RELN: variants seen among roughly 807,000 people sequenced by gnomAD.
The protein encoded by RELN is reelin.
A neutral mutation model predicts 427.6 loss-of-function variants in RELN; 108 were observed. That is an observed-to-expected ratio of 0.25 (90% CI 0.22 to 0.30). The LOEUF (loss-of-function observed/expected upper bound fraction) is 0.30, where lower values mean the gene tolerates loss of function less well. Ranked by LOEUF, RELN falls within the 10% of genes least tolerant of loss-of-function variation. RELN has a pLI of 1.00. For synonymous variants in RELN, 1,524 were observed against 1,513.4 expected, an observed-to-expected ratio of 1.01 and a Z score of -0.16; for missense variants, 3,715 against 4,302.8, an observed-to-expected ratio of 0.86 and a Z score of 3.82.
intron 1 of RELN, among the ~76,000 whole-genome samples, chr7:103,966,726 C>T (rs1796667873): frequency 6.6e-6 from 1 of 152,144 alleles, no homozygotes; most frequent in Non-Finnish European, 1.5e-5. Context: ...CTTTATTTTC[C>T]AAAAACAGAT....
chr7:103,675,527 G>GA (rs1219748045), intron 11 of RELN, among the ~76,000 whole-genome samples: 1 of 152,040 alleles, frequency 6.6e-6, no homozygotes, highest in Admixed American at 6.5e-5. Context: ...CACAGAATTG[G>GA]AAAAAACTAC....
intron 1 of RELN, among the ~76,000 whole-genome samples, chr7:103,958,599 G>A (rs538603302): frequency 3.0e-4 from 45 of 152,258 alleles, no homozygotes; most frequent in African/African-American, 1.1e-3. Context: ...GTGTGTGTAG[G>A]AGTGTATGGG....
At chr7:103,777,883 T>TCACACACACACACACACGCA (rs1554417535) in intron 3 of RELN, among the ~76,000 whole-genome samples, 1 of 143,870 alleles carries the variant, frequency 7.0e-6, no homozygotes, top group African/African-American at 2.6e-5. Context: ...TGTTATACCT[T>TCACACACACACACACACGCA]CACACACACA....
intron 1 of RELN, among the ~76,000 whole-genome samples, chr7:103,952,905 A>G (rs1796362257): frequency 6.6e-6 from 1 of 152,202 alleles, no homozygotes; most frequent in Admixed American, 6.5e-5. Context: ...ACTAACCGGG[A>G]AAACGGTATT....
intron 12 of RELN, among the ~76,000 whole-genome samples, chr7:103,660,430 C>G (rs6977938): frequency 0.075 from 11,481 of 152,182 alleles, 1,215 homozygotes; most frequent in African/African-American, 0.24. Context: ...TTATCAAACA[C>G]ATAATTATGG....
At chr7:103,502,255 C>T (rs1035232221) in intron 52 of RELN, among the ~76,000 whole-genome samples, 4 of 151,594 alleles carry the variant, frequency 2.6e-5, no homozygotes, top group African/African-American at 7.3e-5. Flanking sequence ...CCAGAAAACC[C>T]TGAGTGGTAA....
chr7:103,651,707 G>A lies in RELN; in HGVS notation c.1846C>T (p.Pro616Ser), dbSNP rs1460850066. The A allele has an allele frequency of 3.1e-6, 5 of 1,611,602 alleles. No individual in the cohort carries two copies. In the African/African-American group the frequency reaches 6.7e-5, roughly 22 times the overall value. ...TECLPEICAG[P>S]HLPHSTVYSS... Reference sequence around the variant, plus strand: ...TAGACAGTGCTGTGGGGGAGGTGGGGTCCAGCACAGATCTCAGGTAAGCAT... The same window carrying A: ...TAGACAGTGCTGTGGGGGAGGTGGGATCCAGCACAGATCTCAGGTAAGCAT... Residue 616 changes from proline (P) to serine (S), a missense_variant, in exon 15 of 65, where the codon CCC becomes TCC. Around this residue, in one of 4 missense-constraint regions of RELN, gnomAD observed 2,208 missense variants for 2,361.7 expected, o/e 0.93. Coordinates refer to ENST00000428762, the MANE Select transcript of RELN (RefSeq NM_005045.4).
At chr7:103,806,886 C>G (rs1792613324) in intron 3 of RELN, among the ~76,000 whole-genome samples, 1 of 152,132 alleles carries the variant, frequency 6.6e-6, no homozygotes, top group Non-Finnish European at 1.5e-5. Flanking sequence ...AATCATTCAA[C>G]AAGTTCTTCC....
At chr7:103,594,180 G>A in intron 26 of RELN, 141 bp downstream of exon 26, 1 of 896,650 alleles carries the variant, frequency 1.1e-6, no homozygotes, top group Non-Finnish European at 1.8e-6. Flanking sequence ...AGCATAGAGA[G>A]GTAACAAAAA....
At chr7:103,601,648 T>C (rs964991984) in intron 24 of RELN, among the ~76,000 whole-genome samples, 6 of 152,176 alleles carry the variant, frequency 3.9e-5, no homozygotes, top group East Asian at 1.9e-4. Context: ...GTTAGACACA[T>C]TGCTCAGGTT....
chr7:103,815,937 T>A (rs1240944511), intron 3 of RELN, among the ~76,000 whole-genome samples: 1 of 152,232 alleles, frequency 6.6e-6, no homozygotes, highest in African/African-American at 2.4e-5. Context: ...ACTTATTTTT[T>A]AAGTTCAATC....
chr7:103,722,707 T>G (rs1790108092), intron 8 of RELN, among the ~76,000 whole-genome samples: 1 of 152,202 alleles, frequency 6.6e-6, no homozygotes, highest in African/African-American at 2.4e-5. Flanking sequence ...TAACATAGAT[T>G]ATTTATGCCA....
In RELN at chr7:103,483,670, C is replaced by T. The variant is rs760331710; in HGVS notation, c.10164G>A (p.Val3388=). ...CCACTTACAGGGGGACATTGTAAGA[C>T]ACTCTCTGAGCTTGTGTGAAGTCCT... ...QPKDFTQAQR[V]SYNVPLEARM... Residue 3388 remains valine, a synonymous_variant, in exon 62 of 65, where the codon GTG becomes GTA. Coordinates refer to ENST00000428762, the MANE Select transcript of RELN (RefSeq NM_005045.4). 10 of 1,614,070 alleles carry T rather than the reference C, an allele frequency of 6.2e-6. No homozygotes were observed. Among genetic ancestry groups the T allele is most frequent in the African/African-American group, 1.3e-5 (1 of 74,932 alleles).
In RELN at chr7:103,827,093, A is replaced by C. The variant is rs186577447; in HGVS notation, c.473+6444T>G. Reference sequence around the variant, plus strand: ...AGCAGAGATTAAAAAAAGGAAGAAGAGCAAATCTGCTAACACAACTATTTG... The same window carrying C: ...AGCAGAGATTAAAAAAAGGAAGAAGCGCAAATCTGCTAACACAACTATTTG... On this transcript the variant is annotated intron_variant, in intron 3 of 64. Coordinates refer to ENST00000428762, the MANE Select transcript of RELN (RefSeq NM_005045.4). Among the ~76,000 whole-genome samples the C allele has an allele frequency of 7.9e-5, 12 of 152,004 alleles. No individual in the cohort carries two copies. The East Asian group carries it at 2.3e-3, about 29-fold the overall frequency.
intron 2 of RELN, among the ~76,000 whole-genome samples, chr7:103,885,587 G>T (rs1794709119): frequency 6.6e-6 from 1 of 152,068 alleles, no homozygotes; most frequent in Non-Finnish European, 1.5e-5. Flanking sequence ...GGGGCCTGTT[G>T]TGGGTTGGGG....
At chr7:103,872,915 G>A (rs1247294749) in intron 2 of RELN, among the ~76,000 whole-genome samples, 1 of 149,956 alleles carries the variant, frequency 6.7e-6, no homozygotes, top group Non-Finnish European at 1.5e-5. Flanking sequence ...GGGGTTGTTT[G>A]TTTTTTTTTG....
intron 6 of RELN, among the ~76,000 whole-genome samples, chr7:103,746,620 T>A (rs1289277914): frequency 6.6e-6 from 1 of 152,024 alleles, no homozygotes; most frequent in Non-Finnish European, 1.5e-5. Flanking sequence ...AACAGACACT[T>A]CTCAAAAGAA....
rs191630888 is a variant in RELN, at chr7:103,790,307, C to T, written c.474-13680G>A. Among the ~76,000 whole-genome samples, 500 of 152,216 alleles carry T rather than the reference C, an allele frequency of 3.3e-3. 6 individuals carry two copies. Among genetic ancestry groups the T allele is most frequent in the African/African-American group, 0.011 (476 of 41,528 alleles). On this transcript the variant is annotated intron_variant, in intron 3 of 64. Coordinates refer to ENST00000428762, the MANE Select transcript of RELN (RefSeq NM_005045.4). ...ATGTAACAAACCTGCATGTTCTGCA[C>T]ATGTATTCCAGAACTATAATAATAA...
At chr7:103,482,054 C>G (rs1828259914) in intron 63 of RELN, 1 of 152,168 alleles carries the variant, frequency 6.6e-6, no homozygotes, top group African/African-American at 2.4e-5. Context: ...ATGGCTATGA[C>G]TGAACCAAAA....
Sources: allele counts gnomAD v4.1 joint callset (sites outside exome capture counted in the v4.1 genomes callset), GRCh38; gene constraint gnomAD v4.1.1; regional missense constraint gnomAD v4.1.1; transcripts MANE v1.5; gene names NCBI Gene and HGNC (gene_info 2026-07-23, HGNC 2026-07-21).